LHPP: variants seen among roughly 807,000 people sequenced by gnomAD.
The protein encoded by LHPP is hLHPP.
LHPP carries 24 observed loss-of-function variants against 30.3 expected under a neutral mutation model. That is an observed-to-expected ratio of 0.79 (90% CI 0.57 to 1.11). The LOEUF is 1.11. Ranked by LOEUF, LHPP falls within the 50% of genes most tolerant of loss-of-function variation. The pLI is 0.00. For missense variants in LHPP, 356 were observed against 367.2 expected (o/e 0.97, Z 0.25); for synonymous variants, 150 against 157.1 (o/e 0.95, Z 0.34).
chr10:124,514,327 T>C (rs1232877533), intron 5 of LHPP, among the ~76,000 whole-genome samples: 1 of 152,216 alleles, frequency 6.6e-6, no homozygotes, highest in Admixed American at 6.5e-5. Context: ...CCAGCTATTG[T>C]CATTTTCCCT....
At chr10:124,568,893 G>C (rs1589872152) in intron 6 of LHPP, among the ~76,000 whole-genome samples, 1 of 152,166 alleles carries the variant, frequency 6.6e-6, no homozygotes, top group Non-Finnish European at 1.5e-5. Flanking sequence ...GACACTTGGA[G>C]GCCCCCCTAG....
intron 6 of LHPP, among the ~76,000 whole-genome samples, chr10:124,583,173 C>T (rs1332225605): frequency 6.6e-6 from 1 of 152,088 alleles, no homozygotes; most frequent in Admixed American, 6.6e-5. Flanking sequence ...CTTTTATTTT[C>T]TCTTGTTGCT....
intron 5 of LHPP, among the ~76,000 whole-genome samples, chr10:124,504,794 C>T (rs1209356458): frequency 6.6e-6 from 1 of 152,082 alleles, no homozygotes; most frequent in African/African-American, 2.4e-5. Context: ...AGTCAGCTTC[C>T]TTCACATTTC....
intron 6 of LHPP, among the ~76,000 whole-genome samples, chr10:124,550,648 G>T (rs537360895): frequency 6.6e-6 from 1 of 152,310 alleles, no homozygotes; most frequent in South Asian, 2.1e-4. Flanking sequence ...ACAAATGTGT[G>T]CACACAGGCG....
chr10:124,520,178 G>T (rs1345034983), intron 6 of LHPP, among the ~76,000 whole-genome samples: 1 of 151,926 alleles, frequency 6.6e-6, no homozygotes, highest in Non-Finnish European at 1.5e-5. Context: ...ACATGTGCAG[G>T]TTCATTACAT....
At chr10:124,472,999 G>A (rs575208505) in intron 1 of LHPP, among the ~76,000 whole-genome samples, 16 of 152,284 alleles carry the variant, frequency 1.1e-4, no homozygotes, top group Middle Eastern at 6.8e-3. Flanking sequence ...AAGCTTTCCC[G>A]TGGCTCTGCT....
rs183761177 is a variant in LHPP, at chr10:124,500,121, G to T, written c.624+1993G>T. Among the ~76,000 whole-genome samples, 11 of 152,080 alleles carry T rather than the reference G, an allele frequency of 7.2e-5. No homozygotes were observed. In the East Asian group the frequency reaches 2.1e-3, roughly 29 times the overall value. Reference sequence around the variant, plus strand: ...GACACCCCATTATATCCATCATCCAGCTTCAGTGGTTAAGATTTTGCCACA... The same window carrying T: ...GACACCCCATTATATCCATCATCCATCTTCAGTGGTTAAGATTTTGCCACA... On this transcript the variant is annotated intron_variant, in intron 5 of 6. Coordinates refer to ENST00000368842, the MANE Select transcript of LHPP (RefSeq NM_022126.4).
intron 6 of LHPP, among the ~76,000 whole-genome samples, chr10:124,608,793 C>T (rs1949128757): frequency 6.6e-6 from 1 of 152,214 alleles, no homozygotes; most frequent in South Asian, 2.1e-4. Context: ...ATCTGTCCTC[C>T]AAGAGGGATC....
In LHPP at chr10:124,484,350, C is replaced by T. The variant is rs367705905; in HGVS notation, c.313+24C>T. On this transcript the variant is annotated intron_variant, in intron 2 of 6. Transcript: ENST00000368842. ...CGGTAGGCCTGTCGGACACCAGGAC[C>T]TCACGGGGGTGAAAGCTCCCCTTTC... The T allele has an allele frequency of 1.4e-5, 22 of 1,597,702 alleles. 2 individuals are homozygous for T. The South Asian group carries it at 2.1e-4, about 15-fold the overall frequency.
intron 6 of LHPP, among the ~76,000 whole-genome samples, chr10:124,543,079 C>G (rs56893990): frequency 0.17 from 25,931 of 152,142 alleles, 3,671 homozygotes; most frequent in African/African-American, 0.39. Context: ...GTGGGCCCAG[C>G]GGGTCCTCAG....
intron 6 of LHPP, chr10:124,526,024 A>AG (rs398097272): frequency 6.6e-6 from 1 of 152,490 alleles, no homozygotes; most frequent in East Asian, 3.9e-4. Flanking sequence ...GGACCCCTGT[A>AG]GGCAGCCTCC....
In LHPP at chr10:124,498,022, C is replaced by T. The variant is rs371331783; in HGVS notation, c.532-14C>T. ...GATCCCAAACTTATGCCATGTCCCT[C>T]TCTCTTTTCCCAGTATGCCTGTGGC... On this transcript the variant is annotated splice_polypyrimidine_tract_variant and intron_variant, in intron 4 of 6. Coordinates refer to ENST00000368842, the MANE Select transcript of LHPP (RefSeq NM_022126.4). The T allele has an allele frequency of 2.4e-5, 38 of 1,608,046 alleles. No homozygotes were observed. In the African/African-American group the frequency reaches 3.5e-4, roughly 15 times the overall value.
intron 1 of LHPP, among the ~76,000 whole-genome samples, chr10:124,479,745 C>T (rs1043052107): frequency 2.6e-5 from 4 of 152,230 alleles, no homozygotes; most frequent in Admixed American, 2.0e-4. Context: ...ACCTGAATTA[C>T]TCCACAAAGG....
chr10:124,514,043 A>G (rs1954386686), intron 5 of LHPP, among the ~76,000 whole-genome samples: 1 of 152,214 alleles, frequency 6.6e-6, no homozygotes, highest in Admixed American at 6.5e-5. Flanking sequence ...GCCAGTTGTC[A>G]ACCCAGATTC....
At chr10:124,599,933 A>G (rs956920022) in intron 6 of LHPP, among the ~76,000 whole-genome samples, 5 of 152,160 alleles carry the variant, frequency 3.3e-5, no homozygotes, top group African/African-American at 1.2e-4. Context: ...CTGATCATGC[A>G]TTTATTTTGG....
chr10:124,478,746 G>T lies in LHPP; in HGVS notation c.126-5393G>T, dbSNP rs539904896. On this transcript the variant is annotated intron_variant, in intron 1 of 6. Transcript: ENST00000368842. This position sits in a 1 kb window ranked among gnomAD's most constrained non-coding sequence, Gnocchi z 4.7. The stretch of plus-strand genomic sequence containing the variant: ...CCTGGCCTGCTGAGATGAGGTAAAG[G>T]TCAGTTCAAAGATCCAGTTTGGGCC... Among the ~76,000 whole-genome samples, 33 of 152,292 alleles carry T rather than the reference G, an allele frequency of 2.2e-4. No individual in the cohort carries two copies. Among genetic ancestry groups the T allele is most frequent in the South Asian group, 6.2e-4 (3 of 4,826 alleles).
At chr10:124,507,873 G>GA (rs1954188828) in intron 5 of LHPP, among the ~76,000 whole-genome samples, 2 of 120,568 alleles carry the variant, frequency 1.7e-5, no homozygotes, top group African/African-American at 6.6e-5. Context: ...TTCAGGTGGG[G>GA]GGGTAGGCAG....
chr10:124,518,094 C>G (rs1330718054), intron 6 of LHPP, among the ~76,000 whole-genome samples: 1 of 152,114 alleles, frequency 6.6e-6, no homozygotes, highest in Non-Finnish European at 1.5e-5. Context: ...GAGGGCCCGA[C>G]CGTCGCTCTG....
intron 4 of LHPP, among the ~76,000 whole-genome samples, chr10:124,497,828 G>C (rs1475525702): frequency 6.6e-6 from 1 of 152,192 alleles, no homozygotes; most frequent in Non-Finnish European, 1.5e-5. Flanking sequence ...ATGGCAGGGT[G>C]CCTGGTGCTA....
Sources: gnomAD v4.1 joint callset for allele counts (sites outside exome capture counted in the v4.1 genomes callset) on GRCh38, gnomAD v4.1.1 for gene constraint, Gnocchi (gnomAD v3.1) non-coding constraint, MANE v1.5 for transcripts, NCBI Gene and HGNC (gene_info 2026-07-23, HGNC 2026-07-21) for gene names.